Variants in TBC1D19 observed in about 807,000 individuals in gnomAD.
TBC1D19 encodes the protein TBC1 domain family member 19.
TBC1D19 carries 60 observed loss-of-function variants against 89.0 expected under a neutral mutation model. The observed-to-expected ratio is 0.67, with a 90% confidence interval of 0.55 to 0.84. The LOEUF (loss-of-function observed/expected upper bound fraction) is 0.84, where lower values mean the gene tolerates loss of function less well. Among genes scored for constraint, TBC1D19 ranks in the 40% least tolerant of loss-of-function variants. The pLI, the probability that TBC1D19 is intolerant of heterozygous loss-of-function variation, is 0.00. For missense variants in TBC1D19, 500 were observed against 610.8 expected (o/e 0.82, Z 1.91); for synonymous variants, 189 against 199.7 (o/e 0.95, Z 0.45).
At chr4:26,617,849 A>G (rs1741793557) in intron 3 of TBC1D19, among the ~76,000 whole-genome samples, 1 of 152,242 alleles carries the variant, frequency 6.6e-6, no homozygotes, top group Admixed American at 6.5e-5. Context: ...ATGTTATAAA[A>G]ACATATAGCA....
intron 7 of TBC1D19, among the ~76,000 whole-genome samples, chr4:26,649,794 G>T (rs1335281308): frequency 6.6e-6 from 1 of 151,740 alleles, no homozygotes; most frequent in African/African-American, 2.4e-5. Context: ...CATGTGCCAT[G>T]TAGGTGTGCT....
At chr4:26,641,805 G>A (rs562291168) in intron 7 of TBC1D19, among the ~76,000 whole-genome samples, 4 of 152,242 alleles carry the variant, frequency 2.6e-5, no homozygotes, top group African/African-American at 2.4e-5. Context: ...TAGCCGATTC[G>A]ATCAACTGGA....
At chr4:26,589,920 C>T (rs904823459) in intron 1 of TBC1D19, among the ~76,000 whole-genome samples, 3 of 152,150 alleles carry the variant, frequency 2.0e-5, no homozygotes, top group African/African-American at 7.2e-5. Context: ...CACACCTGTG[C>T]CACCAGAGTG....
Position 26,688,335 on chromosome 4 carries a change from T to C in TBC1D19, c.892-10T>C. On this transcript the variant is annotated splice_polypyrimidine_tract_variant and intron_variant, in intron 12 of 20. Coordinates refer to ENST00000264866, the MANE Select transcript of TBC1D19 (RefSeq NM_018317.4). ...GAGTTCTTTTCAGTACTGTCTACTT[T>C]TAATTATAGGATGTGAAGTTGACAG... The C allele has an allele frequency of 6.4e-7, 1 of 1,570,522 alleles. No individual in the cohort carries two copies. Among genetic ancestry groups the C allele is most frequent in the East Asian group, 2.3e-5 (1 of 43,080 alleles).
chr4:26,764,477 T>G, the TBC1D19 span, among the ~76,000 whole-genome samples: 3 of 152,214 alleles, frequency 2.0e-5, no homozygotes, highest in African/African-American at 2.4e-5. Flanking sequence ...AACTCAGTTT[T>G]TAAAAGTCCT....
chr4:26,673,444 T>TACACACACAC (rs149722432), intron 10 of TBC1D19, among the ~76,000 whole-genome samples: 812 of 78,300 alleles, frequency 0.01, 7 homozygotes, highest in African/African-American at 0.029. Flanking sequence ...TATATATATA[T>TACACACACAC]ATACACACAC....
chr4:26,703,589 T>C (rs1416660723), intron 13 of TBC1D19, among the ~76,000 whole-genome samples: 1 of 152,170 alleles, frequency 6.6e-6, no homozygotes, highest in African/African-American at 2.4e-5. Context: ...CACTGCAAAA[T>C]TAGATGTCAT....
chr4:26,734,917 T>C (rs1461860800), intron 15 of TBC1D19, among the ~76,000 whole-genome samples: 1 of 151,612 alleles, frequency 6.6e-6, no homozygotes, highest in African/African-American at 2.4e-5. Flanking sequence ...CACACATGTG[T>C]ACATACACAT....
At position 26,755,382 on chromosome 4, in the gene TBC1D19, T is replaced by C. The variant is rs1673375849; in HGVS notation, c.*435T>C. 2 of 152,288 alleles carry C rather than the reference T, an allele frequency of 1.3e-5. No individual in the cohort carries two copies. Among genetic ancestry groups the C allele is most frequent in the African/African-American group, 4.8e-5 (2 of 41,394 alleles). 9.4% of individuals were successfully genotyped at this position (152,288 alleles called of 1,614,324 possible). On this transcript the variant is annotated 3_prime_UTR_variant, in exon 21 of 21. Coordinates refer to ENST00000264866, the MANE Select transcript of TBC1D19 (RefSeq NM_018317.4). ...TTTTGTCTCATAAATTGCTCCTCAC[T>C]AAGAGCCAGGGGTGGGGTAGGGTGT... is the stretch of plus-strand genomic sequence containing the variant.
In TBC1D19 at chr4:26,673,697, A is replaced by G. The variant is rs528013673; in HGVS notation, c.704-79A>G. On this transcript the variant is annotated intron_variant, in intron 10 of 20. Transcript: ENST00000264866. ...AGAAAGACTGAATATCAGCTTCCCA[A>G]AAGATTTATAATTGAAGATTTCAGT... 10 of 920,282 alleles carry G rather than the reference A, an allele frequency of 1.1e-5. No homozygotes were observed. The South Asian group carries it at 1.1e-4, about 10-fold the overall frequency. 57.0% of individuals were successfully genotyped at this position (920,282 alleles called of 1,614,324 possible).
At chr4:26,665,827 G>A (rs1711760611) in intron 8 of TBC1D19, among the ~76,000 whole-genome samples, 1 of 151,914 alleles carries the variant, frequency 6.6e-6, no homozygotes, top group African/African-American at 2.4e-5. Context: ...TTACTGAAAG[G>A]ATAATTATCA....
chr4:26,696,744 G>A lies in TBC1D19; in HGVS notation c.954+8337G>A, dbSNP rs1714822878. 2.0e-5 allele frequency among the ~76,000 whole-genome samples: 3 copies of A among 152,146 alleles called. No homozygotes were observed. The South Asian group carries it at 6.2e-4, about 32-fold the overall frequency. ...CAACTACATGGAAACTGAACAACCT[G>A]GTCCTGAGTGACTACTGGGTACATA... On this transcript the variant is annotated intron_variant, in intron 13 of 20. Coordinates refer to ENST00000264866, the MANE Select transcript of TBC1D19 (RefSeq NM_018317.4).
At chr4:26,621,581 C>G (rs564094881) in intron 4 of TBC1D19, among the ~76,000 whole-genome samples, 185 of 152,204 alleles carry the variant, frequency 1.2e-3, no homozygotes, top group African/African-American at 4.3e-3. Flanking sequence ...TCATCACATT[C>G]CACAACAGTG....
At chr4:26,626,064 G>GAGTTTC (rs1742377291) in intron 4 of TBC1D19, among the ~76,000 whole-genome samples, 1 of 150,138 alleles carries the variant, frequency 6.7e-6, no homozygotes, top group Admixed American at 6.6e-5. Flanking sequence ...CTGCATGAAA[G>GAGTTTC]AGTTTCTCTC....
the TBC1D19 span, among the ~76,000 whole-genome samples, chr4:26,830,230 C>T: frequency 2.0e-5 from 3 of 152,146 alleles, no homozygotes; most frequent in Admixed American, 1.3e-4. Context: ...ATAAGTAATG[C>T]GTATATGCAA....
the TBC1D19 span, among the ~76,000 whole-genome samples, chr4:26,824,314 T>G: frequency 6.7e-3 from 1,022 of 152,368 alleles, 8 homozygotes; most frequent in Non-Finnish European, 0.012. Context: ...TTCGTTCTTA[T>G]TAAGACAACT....
At position 26,656,958 on chromosome 4, in the gene TBC1D19, T is replaced by TTTCTTCTTCTTCTTC. The variant is rs56762622; in HGVS notation, c.481-2619_481-2605dup. On this transcript the variant is annotated intron_variant, in intron 7 of 20. Coordinates refer to ENST00000264866, the MANE Select transcript of TBC1D19 (RefSeq NM_018317.4). ...GGTTTAGAGGAGATGCCCTGCAATC[T>TTTCTTCTTCTTCTTC]TTCTTCTTCTTCTTCTTCTTCTTCT... Among the ~76,000 whole-genome samples, 391 of 47,808 alleles carry TTTCTTCTTCTTCTTC rather than the reference T, an allele frequency of 8.2e-3. 59 individuals carry two copies. The highest frequency in any genetic ancestry group is 0.013 in the African/African-American group (163 of 12,650). The allele number at this position is 47,808 out of a possible 152,430, so 31.4% of individuals were successfully genotyped here.
chr4:26,619,609 A>C (rs1478711749), intron 3 of TBC1D19, among the ~76,000 whole-genome samples: 1 of 152,266 alleles, frequency 6.6e-6, no homozygotes, highest in African/African-American at 2.4e-5. Flanking sequence ...ACTGTCTTAC[A>C]TATAAGACAA....
chr4:26,787,104 T>G, the TBC1D19 span, among the ~76,000 whole-genome samples: 1 of 148,682 alleles, frequency 6.7e-6, no homozygotes, highest in South Asian at 2.2e-4. Flanking sequence ...GGAACTAGTT[T>G]TTTTTTTTTT....
Sources: allele counts gnomAD v4.1 joint callset (sites outside exome capture counted in the v4.1 genomes callset), GRCh38; gene constraint gnomAD v4.1.1; transcripts MANE v1.5; gene names NCBI Gene and HGNC (gene_info 2026-07-23, HGNC 2026-07-21).